Variants in NEDD4L observed in about 807,000 individuals in gnomAD.
NEDD4L encodes the protein NEDD4 like E3 ubiquitin protein ligase.
Under a neutral mutation model 148.9 loss-of-function variants are expected in NEDD4L, and 54 were observed. The ratio of observed to expected loss-of-function variants is 0.36; its 90% CI spans 0.29 to 0.45. NEDD4L has a LOEUF of 0.45. Among genes scored for constraint, NEDD4L ranks in the 20% least tolerant of loss-of-function variants. NEDD4L has a pLI of 1.00. For synonymous variants in NEDD4L, 433 were observed against 440.7 expected (o/e 0.98, Z 0.22); for missense variants, 856 against 1,233.8 (o/e 0.69, Z 4.59).
At chr18:58,114,201 G>A (rs148052628) in intron 1 of NEDD4L, among the ~76,000 whole-genome samples, 9 of 152,218 alleles carry the variant, frequency 5.9e-5, no homozygotes, top group Middle Eastern at 3.4e-3. Context: ...ATTAGAAAAC[G>A]TGCTTTCACA....
intron 5 of NEDD4L, among the ~76,000 whole-genome samples, chr18:58,305,714 A>G (rs1406044773): frequency 4.6e-5 from 7 of 152,228 alleles, no homozygotes; most frequent in Non-Finnish European, 1.5e-5. Context: ...GTATACGTTC[A>G]AAATACATAT....
intron 5 of NEDD4L, among the ~76,000 whole-genome samples, chr18:58,282,212 C>T (rs1415222612): frequency 6.6e-6 from 1 of 150,880 alleles, no homozygotes; most frequent in East Asian, 1.9e-4. Context: ...TCCATTTGTT[C>T]GTTGTGTTTA....
At position 58,155,743 on chromosome 18, in the gene NEDD4L, C is replaced by T. The variant is rs758746555; in HGVS notation, c.49-10045C>T. On this transcript the variant is annotated intron_variant, in intron 1 of 30. Transcript: ENST00000400345. ...AAATTAGGGTGAGCATCATTCATGG[C>T]GTGTGGTCAGTTGCAGGCCTTCAGC... is the stretch of plus-strand genomic sequence containing the variant. 3.3e-5 allele frequency among the ~76,000 whole-genome samples: 5 copies of T among 152,200 alleles called. No homozygotes were observed. The South Asian group carries it at 1.0e-3, about 32-fold the overall frequency.
chr18:58,288,298 T>C (rs1411980102), intron 5 of NEDD4L, among the ~76,000 whole-genome samples: 1 of 152,252 alleles, frequency 6.6e-6, no homozygotes, highest in African/African-American at 2.4e-5. Context: ...TCTTTGTTTA[T>C]GCATGCCCTA....
chr18:58,394,666 CTCTG>C (rs1471974745), intron 30 of NEDD4L, among the ~76,000 whole-genome samples: 1 of 152,216 alleles, frequency 6.6e-6, no homozygotes, highest in Non-Finnish European at 1.5e-5. Flanking sequence ...CAGTGTTATT[CTCTG>C]TCTTTTAGTG....
At chr18:58,271,607 A>G (rs1452197561) in intron 5 of NEDD4L, among the ~76,000 whole-genome samples, 1 of 152,238 alleles carries the variant, frequency 6.6e-6, no homozygotes, top group Non-Finnish European at 1.5e-5. Flanking sequence ...TCAGCAAGTA[A>G]CCTTTTCCAA....
At chr18:58,341,465 A>C (rs550292478) in intron 14 of NEDD4L, among the ~76,000 whole-genome samples, 1 of 152,318 alleles carries the variant, frequency 6.6e-6, no homozygotes, top group Admixed American at 6.5e-5. Context: ...ATCCGAGGCT[A>C]GTTTTTATGC....
chr18:58,316,218 G>C (rs146524660), intron 6 of NEDD4L, among the ~76,000 whole-genome samples, 186 bp downstream of exon 6: 2 of 152,190 alleles, frequency 1.3e-5, no homozygotes, highest in Admixed American at 1.3e-4. Context: ...GAAGCTGGCT[G>C]TAAGAGTAGT....
At chr18:58,391,083 G>A (rs1212143411) in intron 29 of NEDD4L, among the ~76,000 whole-genome samples, 1 of 151,966 alleles carries the variant, frequency 6.6e-6, no homozygotes, top group Non-Finnish European at 1.5e-5. Context: ...GTCACCTCCA[G>A]TAGGCAGAAT....
intron 18 of NEDD4L, among the ~76,000 whole-genome samples, chr18:58,353,163 G>A (rs1466048482): frequency 2.0e-5 from 3 of 152,190 alleles, no homozygotes; most frequent in South Asian, 4.1e-4. Flanking sequence ...TGAGGCTAGC[G>A]CAACTCCGGC....
chr18:58,350,689 A>G (rs949263047), intron 17 of NEDD4L, among the ~76,000 whole-genome samples: 4 of 152,310 alleles, frequency 2.6e-5, no homozygotes, highest in Admixed American at 2.6e-4. Flanking sequence ...ATGGTACTCA[A>G]CTTCAAACTC....
At chr18:58,238,721 A>G (rs1292765731) in intron 2 of NEDD4L, among the ~76,000 whole-genome samples, 1 of 152,156 alleles carries the variant, frequency 6.6e-6, no homozygotes, top group Admixed American at 6.5e-5. Context: ...CCTTAGAAAT[A>G]AATTTGATGA....
At chr18:58,320,773 C>T (rs2058703199) in intron 6 of NEDD4L, among the ~76,000 whole-genome samples, 1 of 152,080 alleles carries the variant, frequency 6.6e-6, no homozygotes, top group Non-Finnish European at 1.5e-5. Flanking sequence ...TATGATTGTG[C>T]CCCTATACTC....
chr18:58,306,605 A>G (rs1459625079), intron 5 of NEDD4L, among the ~76,000 whole-genome samples: 2 of 150,118 alleles, frequency 1.3e-5, no homozygotes, highest in Non-Finnish European at 3.0e-5. Flanking sequence ...TACTAGCTCT[A>G]TGACTTTGGG....
In NEDD4L at chr18:58,399,939, A is replaced by T. The variant is rs1232157203; in HGVS notation, c.*3670A>T. 1 of 152,244 alleles carries T rather than the reference A, an allele frequency of 6.6e-6. No homozygotes were observed. The highest frequency in any genetic ancestry group is 1.5e-5 in the Non-Finnish European group (1 of 68,064). 9.4% of individuals were successfully genotyped at this position (152,244 alleles called of 1,614,324 possible). On this transcript the variant is annotated 3_prime_UTR_variant, in exon 31 of 31. Transcript: ENST00000400345. ...GTTCATACACAGCAACTTTTTAATT[A>T]TTCTAACAGTTACCCATTAACAGTC...
chr18:58,294,917 G>A (rs1316878481), intron 5 of NEDD4L, among the ~76,000 whole-genome samples: 1 of 152,146 alleles, frequency 6.6e-6, no homozygotes, highest in Non-Finnish European at 1.5e-5. Flanking sequence ...CATTTGGTTG[G>A]CCATTGGAGC....
intron 5 of NEDD4L, among the ~76,000 whole-genome samples, chr18:58,280,063 C>T (rs72951157): frequency 0.15 from 22,940 of 151,852 alleles, 2,067 homozygotes; most frequent in Non-Finnish European, 0.18. Flanking sequence ...TATTTTTTTG[C>T]GGGGGGAGGA....
chr18:58,380,644 T>C (rs1238976863), intron 24 of NEDD4L, among the ~76,000 whole-genome samples: 1 of 152,176 alleles, frequency 6.6e-6, no homozygotes, highest in African/African-American at 2.4e-5. Context: ...TACATAGGTA[T>C]ACACATGCCA....
At chr18:58,352,447 G>A (rs532575727) in intron 18 of NEDD4L, among the ~76,000 whole-genome samples, 2 of 152,230 alleles carry the variant, frequency 1.3e-5, no homozygotes, top group South Asian at 4.1e-4. Flanking sequence ...TTGAGGTCAG[G>A]AGTTCGAGAT....
Sources: gnomAD v4.1 joint callset for allele counts (sites outside exome capture counted in the v4.1 genomes callset) on GRCh38, gnomAD v4.1.1 for gene constraint, MANE v1.5 for transcripts, NCBI Gene and HGNC (gene_info 2026-07-23, HGNC 2026-07-21) for gene names.